Variants in PRR16 observed in about 807,000 individuals in gnomAD.
PRR16 encodes the protein proline rich 16, also known as protein Largen.
PRR16 carries 6 observed loss-of-function variants against 18.2 expected under a neutral mutation model. The observed-to-expected ratio is 0.33, with a 90% CI of 0.18 to 0.65. The LOEUF is 0.65. PRR16 is among the 30% of genes least tolerant of loss of function. The pLI, the probability that PRR16 is intolerant of heterozygous loss-of-function variation, is 0.74. For synonymous variants in PRR16, 151 were observed against 147.8 expected (o/e 1.02, Z -0.16); for missense variants, 412 against 376.6 (o/e 1.09, Z -0.78).
the PRR16 span, among the ~76,000 whole-genome samples, chr5:120,760,727 A>G: frequency 6.6e-6 from 1 of 152,172 alleles, no homozygotes; most frequent in Non-Finnish European, 1.5e-5. Context: ...GGCCCCAGGG[A>G]GCAACCTTCG....
intron 1 of PRR16, among the ~76,000 whole-genome samples, chr5:120,606,550 G>T (rs1393496568): frequency 6.6e-6 from 1 of 151,846 alleles, no homozygotes; most frequent in African/African-American, 2.4e-5. Context: ...AATTATTAAT[G>T]ATTTTTTTCA....
chr5:120,613,741 C>A (rs887505442), intron 1 of PRR16, among the ~76,000 whole-genome samples: 2 of 152,066 alleles, frequency 1.3e-5, no homozygotes, highest in East Asian at 3.9e-4. Flanking sequence ...TAGATGATGG[C>A]CACTAATAAT....
chr5:120,464,479 C>A lies in PRR16; in HGVS notation c.-8C>A. 6.3e-7 allele frequency: 1 copy of A among 1,584,072 alleles called. No individual in the cohort carries two copies. The highest frequency in any genetic ancestry group is 8.5e-7 in the Non-Finnish European group (1 of 1,173,378). ...CCTGTCCTGACCTGCCTCGCTTGCC[C>A]CCAAAGAATGTCAGCCAAGTCCAAG... On this transcript the variant is annotated 5_prime_UTR_variant, in exon 1 of 2. Transcript: ENST00000407149.
the PRR16 span, among the ~76,000 whole-genome samples, chr5:120,728,064 TTATA>T: frequency 1.3e-5 from 2 of 152,064 alleles, no homozygotes; most frequent in South Asian, 4.2e-4. Flanking sequence ...GAAAAAATTA[TTATA>T]TAGAATTACA....
chr5:120,549,256 C>G (rs1752174817), intron 1 of PRR16, among the ~76,000 whole-genome samples: 1 of 151,968 alleles, frequency 6.6e-6, no homozygotes, highest in South Asian at 2.1e-4. Flanking sequence ...TCACTTCACC[C>G]AGCTAATTTT....
chr5:120,665,721 C>A (rs1283893350), intron 1 of PRR16, among the ~76,000 whole-genome samples: 3 of 151,416 alleles, frequency 2.0e-5, no homozygotes, highest in African/African-American at 4.9e-5. Context: ...GGGAATCCTT[C>A]CCCCATTTCC....
the PRR16 span, among the ~76,000 whole-genome samples, chr5:120,754,585 AT>A: frequency 3.5e-5 from 4 of 113,416 alleles, no homozygotes; most frequent in Non-Finnish European, 5.0e-5. Flanking sequence ...TATTTTATAT[AT>A]TATATATAAT....
At chr5:120,552,885 A>G (rs1752297382) in intron 1 of PRR16, among the ~76,000 whole-genome samples, 1 of 151,832 alleles carries the variant, frequency 6.6e-6, no homozygotes, top group Admixed American at 6.6e-5. Context: ...GTTGATAGTG[A>G]AAGATTAGAA....
intron 1 of PRR16, among the ~76,000 whole-genome samples, chr5:120,674,856 A>C (rs1040062153): frequency 9.2e-5 from 14 of 151,670 alleles, no homozygotes; most frequent in Non-Finnish European, 1.6e-4. Flanking sequence ...TAATATTTCT[A>C]AGATTTTATT....
intron 1 of PRR16, among the ~76,000 whole-genome samples, chr5:120,520,765 T>C (rs1000224640): frequency 6.6e-6 from 1 of 152,222 alleles, no homozygotes; most frequent in Non-Finnish European, 1.5e-5. Flanking sequence ...TGAGTTAAAA[T>C]GGTAGTATTT....
chr5:120,718,075 T>C, the PRR16 span, among the ~76,000 whole-genome samples: 4 of 152,164 alleles, frequency 2.6e-5, no homozygotes, highest in Admixed American at 6.6e-5. Context: ...TAGAACATTA[T>C]TGAAAGTTCA....
chr5:120,580,468 T>A, intron 1 of PRR16, among the ~76,000 whole-genome samples: 1 of 150,870 alleles, frequency 6.6e-6, no homozygotes. Flanking sequence ...TTTTTTTTTT[T>A]TTTTGAGACA....
chr5:120,484,447 G>T (rs1210562119), intron 1 of PRR16, among the ~76,000 whole-genome samples: 1 of 142,520 alleles, frequency 7.0e-6, no homozygotes, highest in Non-Finnish European at 1.5e-5. Flanking sequence ...TTATATGTTA[G>T]ATATATTTTA....
chr5:120,645,553 A>G (rs1222459875), intron 1 of PRR16, among the ~76,000 whole-genome samples: 1 of 152,122 alleles, frequency 6.6e-6, no homozygotes, highest in Non-Finnish European at 1.5e-5. Flanking sequence ...TCCCCATTTC[A>G]GAGTGTTTAT....
At chr5:120,574,526 C>A (rs1402981446) in intron 1 of PRR16, among the ~76,000 whole-genome samples, 1 of 151,624 alleles carries the variant, frequency 6.6e-6, no homozygotes, top group African/African-American at 2.4e-5. Context: ...ATCACTTGAA[C>A]CCGAGAGGCA....
the PRR16 span, among the ~76,000 whole-genome samples, chr5:120,770,517 A>G: frequency 2.0e-5 from 3 of 152,168 alleles, no homozygotes; most frequent in Admixed American, 2.0e-4. Flanking sequence ...GATCTTGGCA[A>G]TGATTTATTA....
the PRR16 span, among the ~76,000 whole-genome samples, chr5:120,714,998 G>A: frequency 5.9e-5 from 9 of 152,010 alleles, no homozygotes; most frequent in Non-Finnish European, 1.5e-5. Context: ...GTGGTGGGGG[G>A]TGAGGGGAGG....
At chr5:120,551,762 G>C (rs773573800) in intron 1 of PRR16, among the ~76,000 whole-genome samples, 2 of 151,974 alleles carry the variant, frequency 1.3e-5, no homozygotes, top group Non-Finnish European at 2.9e-5. Context: ...TGTGGAGAAA[G>C]ACCTCGGTTG....
At chr5:120,565,396 T>A (rs1752706650) in intron 1 of PRR16, among the ~76,000 whole-genome samples, 1 of 152,192 alleles carries the variant, frequency 6.6e-6, no homozygotes, top group South Asian at 2.1e-4. Context: ...GTCATTGAGA[T>A]GAGATGAAAT....
Sources: gnomAD v4.1 joint callset for allele counts (sites outside exome capture counted in the v4.1 genomes callset) on GRCh38, gnomAD v4.1.1 for gene constraint, MANE v1.5 for transcripts, NCBI Gene and HGNC (gene_info 2026-07-23, HGNC 2026-07-21) for gene names.